Variants in ABHD12 observed in about 807,000 individuals in gnomAD.
The protein encoded by ABHD12 is abhydrolase domain containing 12, lysophospholipase, also known as lysophosphatidylserine lipase ABHD12.
In ABHD12, 43 loss-of-function variants were observed where a neutral mutation model predicts 58.3. The observed-to-expected ratio is 0.74, with a 90% CI of 0.58 to 0.95. ABHD12 has a LOEUF of 0.95. Among genes scored for constraint, ABHD12 ranks in the 40% least tolerant of loss-of-function variants. The pLI is 0.00. For synonymous variants in ABHD12, 219 were observed against 211.2 expected (o/e 1.04, Z -0.32); for missense variants, 539 against 537.2 (o/e 1.00, Z -0.03).
At position 25,368,832 on chromosome 20, in the gene ABHD12, A is replaced by G. The variant is rs562315116; in HGVS notation, c.191+21681T>C. On this transcript the variant is annotated intron_variant, in intron 1 of 12. Transcript: ENST00000339157. ...AAGCCTACTTTCTTTTAAAAAAATT[A>G]TTAGCCATCCTCAGACAGGCGCAGT... 3.7e-5 allele frequency: 20 copies of G among 545,820 alleles called. No individual in the cohort carries two copies. In the East Asian group the frequency reaches 8.4e-4, roughly 23 times the overall value. 33.8% of individuals were successfully genotyped at this position (545,820 alleles called of 1,614,324 possible).
intron 1 of ABHD12, among the ~76,000 whole-genome samples, chr20:25,357,268 A>G (rs1162020921): frequency 2.0e-5 from 3 of 152,276 alleles, no homozygotes; most frequent in African/African-American, 7.2e-5. Flanking sequence ...GCTATTCTCG[A>G]AAGTCCCCTG....
chr20:25,336,666 G>A (rs564759873), intron 2 of ABHD12, among the ~76,000 whole-genome samples: 5 of 152,274 alleles, frequency 3.3e-5, no homozygotes, highest in East Asian at 1.9e-4. Context: ...AACCTTGGAC[G>A]CACATTACAA....
At chr20:25,389,355 T>C (rs1381248564) in intron 1 of ABHD12, among the ~76,000 whole-genome samples, 1 of 152,210 alleles carries the variant, frequency 6.6e-6, no homozygotes, top group Non-Finnish European at 1.5e-5. Flanking sequence ...TTTAATTTCA[T>C]GATTTTTTTA....
chr20:25,327,735 T>C (rs1369575385), intron 2 of ABHD12, among the ~76,000 whole-genome samples: 1 of 152,152 alleles, frequency 6.6e-6, no homozygotes, highest in Non-Finnish European at 1.5e-5. Context: ...AGATTGGAAA[T>C]TGTTGTGGTT....
intron 1 of ABHD12, among the ~76,000 whole-genome samples, chr20:25,347,906 G>GA (rs754926629): frequency 1.4e-3 from 188 of 130,826 alleles, no homozygotes; most frequent in South Asian, 4.2e-3. Context: ...TGTGGGTTTA[G>GA]AAAAAAAAAA....
At chr20:25,357,184 CCT>C (rs964374887) in intron 1 of ABHD12, among the ~76,000 whole-genome samples, 11 of 152,272 alleles carry the variant, frequency 7.2e-5, no homozygotes, top group African/African-American at 2.4e-4. Flanking sequence ...TCACCCAACC[CCT>C]GACTCTCCAG....
chr20:25,355,503 G>A (rs919522768), intron 1 of ABHD12, among the ~76,000 whole-genome samples: 1 of 151,570 alleles, frequency 6.6e-6, no homozygotes, highest in Non-Finnish European at 1.5e-5. Flanking sequence ...GGGTTTTTTT[G>A]TTGTTTTGTA....
At chr20:25,320,444 T>G in intron 3 of ABHD12, 126 bp from the exon 4 acceptor site, 1 of 1,286,630 alleles carries the variant, frequency 7.8e-7, no homozygotes, top group Non-Finnish European at 1.1e-6. Context: ...CCCATCTAAC[T>G]ACAGGGGAAC....
At chr20:25,372,469 T>C (rs2089911003) in intron 1 of ABHD12, among the ~76,000 whole-genome samples, 1 of 152,134 alleles carries the variant, frequency 6.6e-6, no homozygotes, top group Non-Finnish European at 1.5e-5. Context: ...CCTCCCAAAG[T>C]GTTTGGATTA....
chr20:25,351,966 T>C (rs2089606111), intron 1 of ABHD12, among the ~76,000 whole-genome samples: 1 of 152,202 alleles, frequency 6.6e-6, no homozygotes, highest in Admixed American at 6.5e-5. Flanking sequence ...CTAGGCACAG[T>C]AAACAACCAC....
chr20:25,330,261 T>TA (rs2089248394), intron 2 of ABHD12, among the ~76,000 whole-genome samples: 1 of 152,222 alleles, frequency 6.6e-6, no homozygotes, highest in Non-Finnish European at 1.5e-5. Flanking sequence ...CCGACTGGCT[T>TA]AAAAAACGGC....
At chr20:25,383,586 C>T (rs1445978880) in intron 1 of ABHD12, among the ~76,000 whole-genome samples, 2 of 152,230 alleles carry the variant, frequency 1.3e-5, no homozygotes, top group South Asian at 2.1e-4. Flanking sequence ...TTTGGGAAGC[C>T]GAGGCAGGCG....
rs532916674 is a variant in ABHD12 at position 25,369,306 on chromosome 20, G to A, written c.191+21207C>T. 6.6e-5 allele frequency among the ~76,000 whole-genome samples: 10 copies of A among 152,112 alleles called. No individual in the cohort carries two copies. In the South Asian group the frequency reaches 8.3e-4, roughly 13 times the overall value. On this transcript the variant is annotated intron_variant, in intron 1 of 12. Coordinates refer to ENST00000339157, the MANE Select transcript of ABHD12 (RefSeq NM_001042472.3). The stretch of plus-strand genomic sequence containing the variant: ...CATTTTTGAATTGGTGTTTTGTTGC[G>A]GAGTTTTAAAATTTCTCTATATATT...
chr20:25,362,630 G>A (rs1428594940), intron 1 of ABHD12, among the ~76,000 whole-genome samples: 1 of 150,218 alleles, frequency 6.7e-6, no homozygotes, highest in Non-Finnish European at 1.5e-5. Flanking sequence ...GGGGAGGGGA[G>A]GGGAGGGGAC....
intron 6 of ABHD12, among the ~76,000 whole-genome samples, chr20:25,311,894 G>C (rs772740828): frequency 6.6e-6 from 1 of 152,064 alleles, no homozygotes; most frequent in Non-Finnish European, 1.5e-5. Flanking sequence ...TTTTAGTAGA[G>C]GCGGGGTTTT....
chr20:25,317,804 C>T (rs1291655425), intron 4 of ABHD12, among the ~76,000 whole-genome samples: 1 of 152,222 alleles, frequency 6.6e-6, no homozygotes, highest in African/African-American at 2.4e-5. Flanking sequence ...AGGCTCCCTT[C>T]CCTCTTTCTT....
chr20:25,363,722 G>A (rs1335618333), intron 1 of ABHD12, among the ~76,000 whole-genome samples: 1 of 151,924 alleles, frequency 6.6e-6, no homozygotes, highest in Non-Finnish European at 1.5e-5. Context: ...AAAATTAGCT[G>A]GGCATGGTGG....
intron 12 of ABHD12, 130 bp from the exon 13 acceptor site, chr20:25,301,014 T>G (rs987930592): frequency 1.0e-6 from 1 of 956,106 alleles, no homozygotes; most frequent in Non-Finnish European, 1.6e-6. Flanking sequence ...CCCATGAGGA[T>G]GCGCTGTAGC....
At chr20:25,296,333 G>A, downstream of ABHD12, 1 of 1,612,618 alleles carries the variant, frequency 6.2e-7, no homozygotes, top group African/African-American at 1.3e-5. Flanking sequence ...CCCAAGCCCT[G>A]TGACGCCAGA....
Sources: gnomAD v4.1 joint callset for allele counts (sites outside exome capture counted in the v4.1 genomes callset) on GRCh38, gnomAD v4.1.1 for gene constraint, MANE v1.5 for transcripts, NCBI Gene and HGNC (gene_info 2026-07-23, HGNC 2026-07-21) for gene names.